The following CHMP3 variants were observed in gnomAD, a reference collection of about 807,000 sequenced individuals.
CHMP3 encodes charged multivesicular body protein 3.
Under a neutral mutation model 27.4 loss-of-function variants are expected in CHMP3, and 8 were observed. The ratio of observed to expected loss-of-function variants is 0.29; its 90% confidence interval spans 0.17 to 0.53. The LOEUF is 0.53. CHMP3 is among the 20% of genes least tolerant of loss of function. The pLI is 0.96. For synonymous variants in CHMP3, 86 were observed against 85.5 expected, an observed-to-expected ratio of 1.01 and a Z score of -0.03; for missense variants, 208 against 271.5, an observed-to-expected ratio of 0.77 and a Z score of 1.64.
chr2:86,511,177 CAT>C (rs1437841884), intron 3 of CHMP3: 1 of 152,162 alleles, frequency 6.6e-6, no homozygotes, highest in African/African-American at 2.4e-5. Context: ...TGAGAGCTGT[CAT>C]ATACAAGCTG....
At chr2:86,521,110 C>T (rs1484065334) in intron 3 of CHMP3, among the ~76,000 whole-genome samples, 1 of 152,156 alleles carries the variant, frequency 6.6e-6, no homozygotes, top group Non-Finnish European at 1.5e-5. Context: ...GAGATCCACC[C>T]CTGTCCGCAA....
intron 1 of CHMP3, among the ~76,000 whole-genome samples, chr2:86,558,567 C>T (rs543200466): frequency 4.6e-5 from 7 of 152,228 alleles, no homozygotes; most frequent in Non-Finnish European, 8.8e-5. Flanking sequence ...CTTACTTGCC[C>T]GAATTGACCT....
At chr2:86,552,205 G>T (rs534845635) in intron 1 of CHMP3, among the ~76,000 whole-genome samples, 1 of 152,308 alleles carries the variant, frequency 6.6e-6, no homozygotes, top group Admixed American at 6.5e-5. Flanking sequence ...AAAAATCCAT[G>T]AGTCCAAAAC....
At chr2:86,506,502 A>C (rs1313192387) in intron 5 of CHMP3, among the ~76,000 whole-genome samples, 1 of 152,176 alleles carries the variant, frequency 6.6e-6, no homozygotes, top group Non-Finnish European at 1.5e-5. Flanking sequence ...GGCTTTATTC[A>C]CATGTTGTAA....
chr2:86,548,333 C>T (rs780139436), intron 1 of CHMP3, among the ~76,000 whole-genome samples: 3 of 152,076 alleles, frequency 2.0e-5, no homozygotes, highest in Non-Finnish European at 2.9e-5. Flanking sequence ...GAGGTTCCTG[C>T]GGCCTTCCGC....
intron 1 of CHMP3, among the ~76,000 whole-genome samples, chr2:86,550,088 A>G (rs865823842): frequency 1.3e-5 from 2 of 152,204 alleles, no homozygotes; most frequent in Non-Finnish European, 2.9e-5. Flanking sequence ...CCTGGGCAAC[A>G]TTGAGCATTG....
At chr2:86,544,336 TTTTC>T (rs1676473870) in intron 1 of CHMP3, among the ~76,000 whole-genome samples, 1 of 151,484 alleles carries the variant, frequency 6.6e-6, no homozygotes, top group Non-Finnish European at 1.5e-5. Flanking sequence ...TTGATTTACA[TTTTC>T]TTTTTTTTTT....
intron 1 of CHMP3, among the ~76,000 whole-genome samples, chr2:86,548,882 CG>C (rs1676733817): frequency 7.2e-6 from 1 of 139,794 alleles, no homozygotes; most frequent in African/African-American, 2.7e-5. Context: ...ACATCCCAGA[CG>C]ATGGGCAGCC....
intron 2 of CHMP3, among the ~76,000 whole-genome samples, chr2:86,532,816 G>A (rs1423518870): frequency 6.6e-6 from 1 of 152,158 alleles, no homozygotes; most frequent in Non-Finnish European, 1.5e-5. Flanking sequence ...ATTTTAATGT[G>A]TTGCTGGATT....
intron 1 of CHMP3, among the ~76,000 whole-genome samples, chr2:86,555,168 T>C (rs557165406): frequency 1.3e-5 from 2 of 152,284 alleles, no homozygotes; most frequent in African/African-American, 2.4e-5. Flanking sequence ...TATGTTGTCA[T>C]AGATTTATAC....
intron 3 of CHMP3, among the ~76,000 whole-genome samples, chr2:86,521,684 C>A (rs550086578): frequency 6.0e-4 from 92 of 152,312 alleles, no homozygotes; most frequent in African/African-American, 2.1e-3. Flanking sequence ...ACGTAGTATT[C>A]ATCCTTTTTT....
intron 3 of CHMP3, among the ~76,000 whole-genome samples, chr2:86,523,149 T>C (rs1476662945): frequency 6.6e-6 from 1 of 152,174 alleles, no homozygotes; most frequent in Non-Finnish European, 1.5e-5. Context: ...TCTCCAGCTA[T>C]CCCTCCCACT....
At chr2:86,525,552 A>T (rs73946220) in intron 3 of CHMP3, among the ~76,000 whole-genome samples, 1,970 of 151,444 alleles carry the variant, frequency 0.013, 55 homozygotes, top group African/African-American at 0.046. Flanking sequence ...AAAAAAAACT[A>T]CTTAAAATCC....
At chr2:86,526,655 G>C (rs897850142) in intron 3 of CHMP3, among the ~76,000 whole-genome samples, 4 of 151,656 alleles carry the variant, frequency 2.6e-5, no homozygotes, top group Non-Finnish European at 5.9e-5. Flanking sequence ...CAATGGACTA[G>C]AGCATGCTCT....
At chr2:86,530,050 A>C (rs1675854645) in intron 2 of CHMP3, among the ~76,000 whole-genome samples, 1 of 151,892 alleles carries the variant, frequency 6.6e-6, no homozygotes. Context: ...GCTGGAGTGC[A>C]ATGGTGCAGT....
chr2:86,538,920 C>A (rs1676249111), intron 2 of CHMP3, among the ~76,000 whole-genome samples: 2 of 152,082 alleles, frequency 1.3e-5, no homozygotes, highest in Admixed American at 1.3e-4. Context: ...TACATTTTCA[C>A]AAATTAAACA....
rs1244053044 is a variant in CHMP3, at chr2:86,504,949, G to A, written c.*855C>T. ...ATAAATGTATCTTAAGAATGTCCCAGATGAGTGAATGTTGGTTATGATGCA... is the reference window on the plus strand; with the variant it reads ...ATAAATGTATCTTAAGAATGTCCCAAATGAGTGAATGTTGGTTATGATGCA... On this transcript the variant is annotated 3_prime_UTR_variant, in exon 6 of 6. Coordinates refer to ENST00000263856, the MANE Select transcript of CHMP3 (RefSeq NM_016079.4). 1 of 152,206 alleles carries A rather than the reference G, an allele frequency of 6.6e-6. No individual in the cohort carries two copies. The highest frequency in any genetic ancestry group is 1.5e-5 in the Non-Finnish European group (1 of 68,046). The allele number at this position is 152,206 out of a possible 1,614,324, so 9.4% of individuals were successfully genotyped here.
At chr2:86,514,007 T>C (rs957538508) in intron 3 of CHMP3, among the ~76,000 whole-genome samples, 1 of 152,252 alleles carries the variant, frequency 6.6e-6, no homozygotes, top group East Asian at 1.9e-4. Context: ...TCAAAGAGCT[T>C]TGTAAACTCT....
chr2:86,539,463 T>A (rs914562331), intron 2 of CHMP3, among the ~76,000 whole-genome samples: 1 of 152,086 alleles, frequency 6.6e-6, no homozygotes, highest in Non-Finnish European at 1.5e-5. Context: ...TTAGAGTAAA[T>A]TAATAAATTA....
Sources: gnomAD v4.1 joint callset for allele counts (sites outside exome capture counted in the v4.1 genomes callset) on GRCh38, gnomAD v4.1.1 for gene constraint, MANE v1.5 for transcripts, NCBI Gene and HGNC (gene_info 2026-07-23, HGNC 2026-07-21) for gene names.